The following HSPG2 variants were observed in gnomAD, a reference collection of about 807,000 sequenced individuals.
HSPG2 encodes the protein heparan sulfate proteoglycan 2.
HSPG2 carries 278 observed loss-of-function variants against 526.6 expected under a neutral mutation model. The observed-to-expected ratio is 0.53, with a 90% CI of 0.48 to 0.58. HSPG2 has a LOEUF of 0.58. HSPG2 is among the 20% of genes least tolerant of loss of function. HSPG2 has a pLI of 0.00. For synonymous variants in HSPG2, 2,465 were observed against 2,555.4 expected (o/e 0.96, Z 1.07); for missense variants, 5,354 against 6,099.5 (o/e 0.88, Z 4.07).
intron 76 of HSPG2, 28 bp from the exon 77 acceptor site, chr1:21,834,973 T>G: frequency 6.2e-7 from 1 of 1,607,534 alleles, no homozygotes; most frequent in South Asian, 1.1e-5. Context: ...AGAGGTCCAG[T>G]GAGATCAGTC....
In HSPG2 at chr1:21,859,073, A is replaced by G. The variant is rs892314167; in HGVS notation, c.5293+493T>C. ...TATTATTATTATTTTTTTAAGACAG[A>G]GTCTTGCTCTGTTGCCCAGGCTGGA... On this transcript the variant is annotated intron_variant, in intron 42 of 96. Transcript: ENST00000374695. This position sits in a 1 kb window ranked among gnomAD's most constrained non-coding sequence, Gnocchi z 5.3. 6.6e-6 allele frequency among the ~76,000 whole-genome samples: 1 copy of G among 151,866 alleles called. No homozygotes were observed. Among genetic ancestry groups the G allele is most frequent in the African/African-American group, 2.4e-5 (1 of 41,304 alleles).
chr1:21,889,868 A>C (rs1203594720), intron 6 of HSPG2, 113 bp downstream of exon 6: 1 of 1,054,282 alleles, frequency 9.5e-7, no homozygotes, highest in Admixed American at 1.7e-5. Context: ...AGGAGTAGTG[A>C]GCTCCCTGTT....
intron 1 of HSPG2, among the ~76,000 whole-genome samples, chr1:21,923,095 C>A (rs1248662853): frequency 6.6e-6 from 1 of 152,132 alleles, no homozygotes; most frequent in Non-Finnish European, 1.5e-5. Flanking sequence ...TGGCAGCTTC[C>A]ATTTCTCCTA....
chr1:21,927,646 G>A (rs1644240556), intron 1 of HSPG2, among the ~76,000 whole-genome samples: 1 of 152,178 alleles, frequency 6.6e-6, no homozygotes, highest in Admixed American at 6.5e-5. Context: ...CATCTGGGAA[G>A]GGGACAAGGC....
Position 21,872,557 on chromosome 1 carries a change from A to G in HSPG2, c.4029+63T>C. 1 of 1,545,712 alleles carries G rather than the reference A, an allele frequency of 6.5e-7. No homozygotes were observed. Among genetic ancestry groups the G allele is most frequent in the Non-Finnish European group, 8.8e-7 (1 of 1,142,020 alleles). On this transcript the variant is annotated intron_variant, in intron 32 of 96. Transcript: ENST00000374695. This position sits in a 1 kb window ranked among gnomAD's most constrained non-coding sequence, Gnocchi z 5.5. ...ATGAGGGTCGCTGGGCTCAGTGCTC[A>G]GATGGACAGTAACAGGCAGCAGGTG... is the stretch of plus-strand genomic sequence containing the variant.
chr1:21,880,819 C>T lies in HSPG2; in HGVS notation c.1835G>A (p.Gly612Asp). The T allele has an allele frequency of 1.3e-6, 2 of 1,593,976 alleles. No individual in the cohort carries two copies. The highest frequency in any genetic ancestry group is 1.7e-6 in the Non-Finnish European group (2 of 1,171,296). ...FLGNKVDSYGGSLRYNVRYEL... is the reference protein window; with the variant it reads ...FLGNKVDSYGDSLRYNVRYEL... ...GTAGCGCACGTTGTAACGCAGGGAG[C>T]CGCCATAGGAGTCCACCTGGCACAA... is the stretch of plus-strand genomic sequence containing the variant. The change falls in exon 15 of 97, where the codon GGC (glycine) becomes GAC (aspartate). Residue 612 changes from glycine to aspartate, a missense_variant. Gly to Asp is a moderately conservative substitution (Grantham distance 94, BLOSUM62 -1). Transcript: ENST00000374695.
At chr1:21,825,602 CAG>C (rs1001841149) in intron 91 of HSPG2, among the ~76,000 whole-genome samples, 6 of 152,264 alleles carry the variant, frequency 3.9e-5, no homozygotes, top group African/African-American at 1.4e-4. Context: ...GTAGCTCTGG[CAG>C]GGGACAAGAG....
At chr1:21,910,572 A>G (rs758386771) in intron 1 of HSPG2, among the ~76,000 whole-genome samples, 2 of 152,192 alleles carry the variant, frequency 1.3e-5, no homozygotes, top group African/African-American at 2.4e-5. Flanking sequence ...GTGTCTCTCC[A>G]GCCACTTTGT....
chr1:21,828,993 G>A lies in HSPG2; in HGVS notation c.12079C>T (p.Leu4027=), dbSNP rs752401147. ...ACAGGGCGTCCACCATTCACCCGCA[G>A]GCTGCCGTCCTTGTTGAGACGCTCT... The part of the protein sequence containing the change: ...SAERLNKDGS[L]RVNGGRPVLR... Residue 4027 remains leucine, a synonymous_variant, in exon 88 of 97, where the codon CTG becomes TTG. Transcript: ENST00000374695. This position sits in a 1 kb window ranked among gnomAD's most constrained non-coding sequence, Gnocchi z 6.0. The A allele has an allele frequency of 1.9e-6, 3 of 1,571,024 alleles. No homozygotes were observed. Among genetic ancestry groups the A allele is most frequent in the Non-Finnish European group, 2.6e-6 (3 of 1,158,614 alleles).
rs867149784 is a variant in HSPG2 at position 21,876,292 on chromosome 1, G to C, written c.2940C>G (p.Ser980=). The C allele has an allele frequency of 4.3e-6, 7 of 1,614,064 alleles. No homozygotes were observed. Among genetic ancestry groups the C allele is most frequent in the Non-Finnish European group, 5.9e-6 (7 of 1,179,998 alleles). Residue 980 remains serine, a synonymous_variant, in exon 23 of 97, where the codon TCC becomes TCG. Coordinates refer to ENST00000374695, the MANE Select transcript of HSPG2 (RefSeq NM_005529.7). ...SPTPGELGFS[S]FHRLLSGPYF... is the part of the protein sequence containing the mutation. ...AGGGTCCAGATAAGAGTCTGTGGAA[G>C]GAGGAGAATCCCAGTTCCCCGGGCG...
At position 21,865,377 on chromosome 1, in the gene HSPG2, C is replaced by A. The variant is rs1261813435; in HGVS notation, c.4315-12G>T. 3 of 1,613,658 alleles carry A rather than the reference C, an allele frequency of 1.9e-6. No homozygotes were observed. Among genetic ancestry groups the A allele is most frequent in the Non-Finnish European group, 2.5e-6 (3 of 1,179,806 alleles). ...ATGATGTTGTTGCCCTGGAAAGACA[C>A]CAGCAGGATTGGAAGGGGAGCCGAG... On this transcript the variant is annotated splice_polypyrimidine_tract_variant and intron_variant, in intron 34 of 96. Transcript: ENST00000374695. The surrounding 1 kb of genome is among the most constrained non-coding windows in gnomAD (Gnocchi z 5.4).
At chr1:21,867,120 C>CTTT (rs3077631) in intron 33 of HSPG2, among the ~76,000 whole-genome samples, 66,579 of 123,332 alleles carry the variant, frequency 0.54, 21,468 homozygotes, top group Middle Eastern at 0.7. Flanking sequence ...TGCTCAGGCA[C>CTTT]TTTTTTTTTT....
chr1:21,880,313 T>A, intron 16 of HSPG2, 50 bp downstream of exon 16: 1 of 1,613,826 alleles, frequency 6.2e-7, no homozygotes, highest in African/African-American at 1.3e-5. Context: ...CCGTTTCTCC[T>A]CTATCCTTGC....
chr1:21,872,130 C>G lies in HSPG2; in HGVS notation c.4221+56G>C. 1 of 1,537,474 alleles carries G rather than the reference C, an allele frequency of 6.5e-7. No homozygotes were observed. Among genetic ancestry groups the G allele is most frequent in the South Asian group, 1.2e-5 (1 of 83,666 alleles). On this transcript the variant is annotated intron_variant, in intron 33 of 96. Transcript: ENST00000374695. The surrounding 1 kb of genome is among the most constrained non-coding windows in gnomAD (Gnocchi z 5.5). ...GGTGCCTGCCTGCTGAGAGACGGCG[C>G]AGAGGTGAACTCATGTCTGAGTCAC...
rs1642879462 is a variant in HSPG2 at position 21,898,134 on chromosome 1, G to A, written c.64-1824C>T. On this transcript the variant is annotated intron_variant, in intron 1 of 96. Coordinates refer to ENST00000374695, the MANE Select transcript of HSPG2 (RefSeq NM_005529.7). This position sits in a 1 kb window ranked among gnomAD's most constrained non-coding sequence, Gnocchi z 4.0. ...CTATGAATTCCAGTCACTCTGTGAA[G>A]ATGACTTGCTTTGGGGAGGCACTAC... Among the ~76,000 whole-genome samples the A allele has an allele frequency of 2.0e-5, 3 of 152,208 alleles. No individual in the cohort carries two copies.
chr1:21,842,677 G>T, intron 67 of HSPG2, 93 bp downstream of exon 67: 1 of 1,539,170 alleles, frequency 6.5e-7, no homozygotes, highest in Non-Finnish European at 8.9e-7. Context: ...GGGTCCCCAA[G>T]CAGGCTGGTG....
intron 9 of HSPG2, 93 bp from the exon 10 acceptor site, chr1:21,885,544 C>G (rs1641829949): frequency 1.4e-6 from 2 of 1,469,526 alleles, no homozygotes. Flanking sequence ...CCACATAACC[C>G]ACAGCGGCCC....
chr1:21,897,328 A>C (rs1642822812), intron 1 of HSPG2, among the ~76,000 whole-genome samples: 1 of 152,214 alleles, frequency 6.6e-6, no homozygotes, highest in Admixed American at 6.5e-5. Context: ...CCCTGGCCTT[A>C]AGCCAGAAGG....
chr1:21,841,887 G>A, intron 69 of HSPG2, 115 bp downstream of exon 69: 2 of 1,449,822 alleles, frequency 1.4e-6, no homozygotes, highest in Non-Finnish European at 1.9e-6. Context: ...GCCTTACTCA[G>A]GGCCACACCA....
Sources: allele counts gnomAD v4.1 joint callset (sites outside exome capture counted in the v4.1 genomes callset), GRCh38; gene constraint gnomAD v4.1.1; non-coding constraint Gnocchi (gnomAD v3.1); transcripts MANE v1.5; gene names NCBI Gene and HGNC (gene_info 2026-07-23, HGNC 2026-07-21).